ZNF385D: variants seen among roughly 807,000 people sequenced by gnomAD.
ZNF385D encodes the protein zinc finger protein 659.
A neutral mutation model predicts 35.8 loss-of-function variants in ZNF385D; 15 were observed. The observed-to-expected ratio is 0.42, with a 90% CI of 0.28 to 0.64. The LOEUF is 0.64. Among genes scored for constraint, ZNF385D ranks in the 30% least tolerant of loss-of-function variants. ZNF385D has a pLI of 0.23. For synonymous variants in ZNF385D, 212 were observed against 186.8 expected (o/e 1.13, Z -1.10); for missense variants, 474 against 494.6 (o/e 0.96, Z 0.39).
chr3:22,071,082 T>G (rs1700208082), intron 3 of ZNF385D, among the ~76,000 whole-genome samples: 2 of 152,166 alleles, frequency 1.3e-5, no homozygotes, highest in South Asian at 4.1e-4. Flanking sequence ...GGTAACATGA[T>G]ATTTATGACA....
At chr3:21,992,874 T>C (rs1013623224) in intron 3 of ZNF385D, among the ~76,000 whole-genome samples, 52 of 152,330 alleles carry the variant, frequency 3.4e-4, no homozygotes, top group African/African-American at 1.2e-3. Flanking sequence ...TATGCATAGC[T>C]GATGAGTTTC....
intron 1 of ZNF385D, among the ~76,000 whole-genome samples, chr3:21,735,153 C>G (rs1312243664): frequency 6.6e-6 from 1 of 152,118 alleles, no homozygotes; most frequent in African/African-American, 2.4e-5. Context: ...ATTCAGTAAG[C>G]AAAGAGTCAC....
In ZNF385D at chr3:21,629,108, G is replaced by A. The variant is rs185723396; in HGVS notation, c.165+35778C>T. On this transcript the variant is annotated intron_variant, in intron 2 of 7. Coordinates refer to ENST00000281523, the MANE Select transcript of ZNF385D (RefSeq NM_024697.3). ...ATCAGGCCTTTTTTTAAAAAAAATTGTGATCTGTTGATCTGTTCCCAGTCA... is the reference window on the plus strand; with the variant it reads ...ATCAGGCCTTTTTTTAAAAAAAATTATGATCTGTTGATCTGTTCCCAGTCA... Among the ~76,000 whole-genome samples, 12 of 152,174 alleles carry A rather than the reference G, an allele frequency of 7.9e-5. No individual in the cohort carries two copies. The East Asian group carries it at 2.3e-3, about 30-fold the overall frequency.
intron 3 of ZNF385D, among the ~76,000 whole-genome samples, chr3:21,792,914 G>C (rs1299585058): frequency 6.6e-6 from 1 of 152,034 alleles, no homozygotes; most frequent in African/African-American, 2.4e-5. Context: ...AAAATTTTGG[G>C]TTGGTCACTG....
chr3:21,864,970 A>C (rs1253314429), intron 3 of ZNF385D, among the ~76,000 whole-genome samples: 1 of 134,284 alleles, frequency 7.4e-6, no homozygotes, highest in African/African-American at 2.8e-5. Flanking sequence ...TGGAGCAGCC[A>C]ACCTACGTTT....
At chr3:22,036,444 A>C (rs911799177) in intron 3 of ZNF385D, among the ~76,000 whole-genome samples, 29 of 152,188 alleles carry the variant, frequency 1.9e-4, no homozygotes, top group African/African-American at 6.5e-4. Flanking sequence ...ATTGACAAGA[A>C]AACTGACCTA....
intron 1 of ZNF385D, among the ~76,000 whole-genome samples, chr3:21,742,117 G>C (rs2069544574): frequency 6.6e-6 from 1 of 152,086 alleles, no homozygotes; most frequent in Non-Finnish European, 1.5e-5. Context: ...TCATAACAAG[G>C]TCCATTTATA....
chr3:22,180,470 G>A (rs1454137675), intron 2 of ZNF385D, among the ~76,000 whole-genome samples: 2 of 152,162 alleles, frequency 1.3e-5, no homozygotes, highest in Admixed American at 6.5e-5. Context: ...AAGCCTGGCA[G>A]AGACACAACA....
intron 2 of ZNF385D, among the ~76,000 whole-genome samples, chr3:21,565,285 A>G (rs1288337264): frequency 2.0e-5 from 3 of 152,120 alleles, no homozygotes; most frequent in East Asian, 3.9e-4. Flanking sequence ...GTGCCAAGGG[A>G]TTTGGGGCCA....
intron 3 of ZNF385D, among the ~76,000 whole-genome samples, chr3:21,762,658 T>C (rs2070669601): frequency 6.6e-6 from 1 of 152,214 alleles, no homozygotes; most frequent in Non-Finnish European, 1.5e-5. Flanking sequence ...CAGATCTCTC[T>C]AAAATGACAG....
At chr3:21,994,178 G>A (rs1301116698) in intron 3 of ZNF385D, among the ~76,000 whole-genome samples, 1 of 152,144 alleles carries the variant, frequency 6.6e-6, no homozygotes, top group African/African-American at 2.4e-5. Flanking sequence ...TGTGTTCCTG[G>A]ACATCTGGTA....
chr3:22,309,595 A>G (rs1703424555), intron 2 of ZNF385D, among the ~76,000 whole-genome samples: 2 of 152,050 alleles, frequency 1.3e-5, no homozygotes, highest in South Asian at 4.1e-4. Flanking sequence ...CCAGGTCTAG[A>G]ACAAAACTAA....
At chr3:21,884,424 G>C (rs1229005589) in intron 3 of ZNF385D, among the ~76,000 whole-genome samples, 1 of 151,958 alleles carries the variant, frequency 6.6e-6, no homozygotes, top group Non-Finnish European at 1.5e-5. Flanking sequence ...CCCTAGAATA[G>C]TTGTGTGGCC....
chr3:21,705,481 T>A (rs529080672), intron 1 of ZNF385D, among the ~76,000 whole-genome samples: 1 of 152,354 alleles, frequency 6.6e-6, no homozygotes, highest in East Asian at 1.9e-4. Flanking sequence ...CAAAAGTGAA[T>A]TCTACCGTGT....
chr3:22,286,586 A>G (rs1056064078), intron 2 of ZNF385D, among the ~76,000 whole-genome samples: 2 of 152,060 alleles, frequency 1.3e-5, no homozygotes, highest in African/African-American at 4.8e-5. Context: ...GCATAAGGCG[A>G]TATGTGGTGT....
intron 3 of ZNF385D, among the ~76,000 whole-genome samples, chr3:22,014,522 CTA>C (rs1333717572): frequency 6.6e-6 from 1 of 152,070 alleles, no homozygotes; most frequent in Non-Finnish European, 1.5e-5. Flanking sequence ...GTAAAATGGG[CTA>C]TGTTAAGAAA....
chr3:22,159,136 A>T (rs1705782091), intron 3 of ZNF385D, among the ~76,000 whole-genome samples: 1 of 151,784 alleles, frequency 6.6e-6, no homozygotes, highest in East Asian at 1.9e-4. Context: ...TTCACACATT[A>T]AAAAAAATTC....
intron 2 of ZNF385D, among the ~76,000 whole-genome samples, chr3:22,330,116 G>A (rs1221300385): frequency 6.6e-6 from 1 of 151,994 alleles, no homozygotes; most frequent in Non-Finnish European, 1.5e-5. Context: ...CATCTATTGA[G>A]CTTTTCATTT....
intron 3 of ZNF385D, among the ~76,000 whole-genome samples, chr3:21,805,282 T>A (rs376314761): frequency 4.6e-5 from 7 of 152,314 alleles, no homozygotes; most frequent in East Asian, 3.9e-4. Flanking sequence ...TATGTGTAAA[T>A]AGTGTGTAGA....
Sources: gnomAD v4.1 joint callset for allele counts (sites outside exome capture counted in the v4.1 genomes callset) on GRCh38, gnomAD v4.1.1 for gene constraint, MANE v1.5 for transcripts, NCBI Gene and HGNC (gene_info 2026-07-23, HGNC 2026-07-21) for gene names.